Variants in PLA2G4E observed in about 807,000 individuals in gnomAD.
PLA2G4E encodes the protein phospholipase A2 group IVE.
A neutral mutation model predicts 109.1 loss-of-function variants in PLA2G4E; 84 were observed. The observed-to-expected ratio is 0.77, with a 90% CI of 0.65 to 0.92. The LOEUF (loss-of-function observed/expected upper bound fraction) is 0.92. Among genes scored for constraint, PLA2G4E ranks in the 40% least tolerant of loss-of-function variants. The probability of loss-of-function intolerance (pLI) is 0.00; values close to 1 mark genes in which losing one functional copy is unlikely to be tolerated. For missense variants in PLA2G4E, 1,057 were observed against 1,076.6 expected, an observed-to-expected ratio of 0.98 and a Z score of 0.25; for synonymous variants, 469 against 436.1, an observed-to-expected ratio of 1.08 and a Z score of -0.94.
At position 41,984,859 on chromosome 15, in the gene PLA2G4E, T is replaced by A. The variant is rs114542953; in HGVS notation, c.2203-240A>T. Among the ~76,000 whole-genome samples the A allele has an allele frequency of 7.0e-3, 1,060 of 152,320 alleles. 6 individuals are homozygous for A. Among genetic ancestry groups the A allele is most frequent in the African/African-American group, 0.024 (1,012 of 41,576 alleles). ...AGTAAAATGGACAAAAGCCCTTTCG[T>A]TGGTGTTCGCATCCAAACACAGACT... is the stretch of plus-strand genomic sequence containing the variant. On this transcript the variant is annotated intron_variant, in intron 18 of 19. Coordinates refer to ENST00000399518, the Ensembl canonical transcript of PLA2G4E.
At chr15:42,042,248 T>G (rs989373073) in intron 1 of PLA2G4E, among the ~76,000 whole-genome samples, 1 of 152,170 alleles carries the variant, frequency 6.6e-6, no homozygotes, top group African/African-American at 2.4e-5. Context: ...CGAGCTTAAT[T>G]TTACATATAT....
chr15:42,016,225 C>T (rs1217540557), intron 1 of PLA2G4E, among the ~76,000 whole-genome samples: 1 of 147,842 alleles, frequency 6.8e-6, no homozygotes, highest in African/African-American at 2.5e-5. Flanking sequence ...ACTCAGAGAC[C>T]ATCTTTTTAT....
At chr15:42,017,072 C>T (rs2068602439) in intron 1 of PLA2G4E, among the ~76,000 whole-genome samples, 1 of 152,236 alleles carries the variant, frequency 6.6e-6, no homozygotes, top group Non-Finnish European at 1.5e-5. Flanking sequence ...GGCCCACTTT[C>T]TCAGAGGGCA....
rs935710373 is a variant in PLA2G4E, at chr15:42,021,062, A to G, written c.184-7305T>C. Among the ~76,000 whole-genome samples the G allele has an allele frequency of 3.9e-5, 6 of 152,030 alleles. No homozygotes were observed. The highest frequency in any genetic ancestry group is 4.8e-5 in the African/African-American group (2 of 41,378). ...AGCTCTCCAGCTGGGTGGCAAGATC[A>G]GGAACTTATACTCTGACTCAGAGCT... On this transcript the variant is annotated intron_variant, in intron 1 of 19. Transcript: ENST00000399518.
chr15:41,988,277 A>T (rs1264226929), intron 15 of PLA2G4E, 121 bp from the exon 16 acceptor site: 1 of 671,782 alleles, frequency 1.5e-6, no homozygotes, highest in South Asian at 1.8e-5. Flanking sequence ...CACAGGCGGG[A>T]CAGACTTCAG....
At chr15:42,048,941 C>T (rs1276975912) in intron 1 of PLA2G4E, among the ~76,000 whole-genome samples, 1 of 152,230 alleles carries the variant, frequency 6.6e-6, no homozygotes, top group Non-Finnish European at 1.5e-5. Flanking sequence ...AGTCAGGAGG[C>T]TGAAGATGCC....
At chr15:42,008,090 A>G (rs142465641) in intron 2 of PLA2G4E, among the ~76,000 whole-genome samples, 65 of 152,338 alleles carry the variant, frequency 4.3e-4, no homozygotes, top group African/African-American at 1.5e-3. Flanking sequence ...ATTCTCATAG[A>G]CACAGATGGC....
At chr15:41,989,685 A>G (rs2068210988) in intron 14 of PLA2G4E, 133 bp from the exon 15 acceptor site, 1 of 1,240,582 alleles carries the variant, frequency 8.1e-7, no homozygotes, top group Non-Finnish European at 1.1e-6. Flanking sequence ...AGTTCCCCCA[A>G]AGGACACATG....
intron 2 of PLA2G4E, among the ~76,000 whole-genome samples, chr15:42,008,278 C>T (rs1452444029): frequency 6.6e-6 from 1 of 152,250 alleles, no homozygotes. Flanking sequence ...GGGCCAAGCA[C>T]TCCCTCTGGG....
chr15:42,043,070 C>T (rs1889343870), intron 1 of PLA2G4E, among the ~76,000 whole-genome samples: 1 of 152,146 alleles, frequency 6.6e-6, no homozygotes, highest in African/African-American at 2.4e-5. Context: ...GCAAGGGGTT[C>T]CTGCCTGGAA....
At chr15:41,999,194 T>C (rs2068385959) in intron 10 of PLA2G4E, 1 of 217,042 alleles carries the variant, frequency 4.6e-6, no homozygotes, top group Non-Finnish European at 9.1e-6. Context: ...TCCTTTGTGC[T>C]TCAAAGGACA....
At chr15:41,995,764 A>G (rs1446833311) in intron 11 of PLA2G4E, among the ~76,000 whole-genome samples, 1 of 152,230 alleles carries the variant, frequency 6.6e-6, no homozygotes, top group East Asian at 1.9e-4. Context: ...AGCTGTGGCT[A>G]GCAGAGTTCT....
chr15:42,043,129 C>T (rs1471494226), intron 1 of PLA2G4E, among the ~76,000 whole-genome samples: 1 of 152,142 alleles, frequency 6.6e-6, no homozygotes, highest in African/African-American at 2.4e-5. Flanking sequence ...GCTCTGGAAA[C>T]CTAATGATCT....
intron 1 of PLA2G4E, among the ~76,000 whole-genome samples, chr15:42,026,574 C>T (rs550172717): frequency 2.6e-4 from 39 of 152,292 alleles, no homozygotes; most frequent in African/African-American, 9.1e-4. Context: ...GAGTCACCAT[C>T]GTGCTCTGCT....
At chr15:42,006,248 C>T (rs1263791851) in intron 3 of PLA2G4E, 127 bp from the exon 4 acceptor site, 26 of 1,212,790 alleles carry the variant, frequency 2.1e-5, no homozygotes, top group Non-Finnish European at 2.6e-5. Context: ...CCAGAAGTCC[C>T]TGCTCAGATG....
chr15:42,040,620 G>C (rs1470178857), intron 1 of PLA2G4E, among the ~76,000 whole-genome samples: 1 of 152,220 alleles, frequency 6.6e-6, no homozygotes, highest in East Asian at 1.9e-4. Flanking sequence ...CTAAACTTAT[G>C]ATGAAGGGTT....
At chr15:41,997,512 C>G (rs2068361452) in intron 10 of PLA2G4E, 1 of 320,148 alleles carries the variant, frequency 3.1e-6, no homozygotes, top group Non-Finnish European at 5.7e-6. Context: ...AGCTGGTACT[C>G]AACAAAAGAT....
intron 1 of PLA2G4E, among the ~76,000 whole-genome samples, chr15:42,022,095 C>T (rs142715211): frequency 6.8e-6 from 1 of 147,506 alleles, no homozygotes; most frequent in East Asian, 1.9e-4. Context: ...CAATTTAGTT[C>T]ATGTACCTAG....
chr15:42,047,976 C>T (rs948441047), intron 1 of PLA2G4E, among the ~76,000 whole-genome samples: 14 of 152,132 alleles, frequency 9.2e-5, no homozygotes, highest in Non-Finnish European at 2.1e-4. Flanking sequence ...TTAGGCTAAC[C>T]CCCCTCCCGG....
Sources: gnomAD v4.1 joint callset for allele counts (sites outside exome capture counted in the v4.1 genomes callset) on GRCh38, gnomAD v4.1.1 for gene constraint, MANE v1.5 for transcripts, NCBI Gene and HGNC (gene_info 2026-07-23, HGNC 2026-07-21) for gene names.